LTBP2: variants seen among roughly 807,000 people sequenced by gnomAD.
LTBP2 encodes the protein latent transforming growth factor beta binding protein 2.
Under a neutral mutation model 210.6 loss-of-function variants are expected in LTBP2, and 103 were observed. That is an observed-to-expected ratio of 0.49 (90% CI 0.42 to 0.58). The LOEUF (loss-of-function observed/expected upper bound fraction) is 0.58. LTBP2 is among the 20% of genes least tolerant of loss of function. The probability of loss-of-function intolerance (pLI) is 0.00; values close to 1 mark genes in which losing one functional copy is unlikely to be tolerated. For missense variants in LTBP2, 2,313 were observed against 2,494.5 expected, an observed-to-expected ratio of 0.93 and a Z score of 1.55; for synonymous variants, 1,007 against 1,015.0, an observed-to-expected ratio of 0.99 and a Z score of 0.15.
chr14:74,509,384 C>T (rs764239566), intron 21 of LTBP2, 21 bp from the exon 22 acceptor site: 2 of 1,612,792 alleles, frequency 1.2e-6, no homozygotes, highest in South Asian at 1.1e-5. Context: ...ACAGCGCTCG[C>T]CCGGGGACCT....
rs1253975601 is a variant in LTBP2, at chr14:74,511,368, C to T, written c.2909-4G>A. The T allele has an allele frequency of 6.2e-7, 1 of 1,613,976 alleles. No individual in the cohort carries two copies. Among genetic ancestry groups the T allele is most frequent in the Non-Finnish European group, 8.5e-7 (1 of 1,179,910 alleles). On this transcript the variant is annotated splice_polypyrimidine_tract_variant and splice_region_variant and intron_variant, in intron 18 of 35. Transcript: ENST00000261978. ...GGGTGACGGCATTCGTTGATATCTG[C>T]AAAACAGCAGCCCCTCCCTTGGTCA...
In LTBP2 at chr14:74,498,926, T is replaced by G. The variant is rs1314583018; in HGVS notation, c.*1958A>C. 1 of 225,726 alleles carries G rather than the reference T, an allele frequency of 4.4e-6. No individual in the cohort carries two copies. The highest frequency in any genetic ancestry group is 8.8e-6 in the Non-Finnish European group (1 of 113,496). 14.0% of individuals were successfully genotyped at this position (225,726 alleles called of 1,614,324 possible). ...CATAGCAATTAATTGTTTCTAATCTTTAGCTATTACAAATGATGCAGTAAT... is the reference window on the plus strand; with the variant it reads ...CATAGCAATTAATTGTTTCTAATCTGTAGCTATTACAAATGATGCAGTAAT... On this transcript the variant is annotated 3_prime_UTR_variant, in exon 36 of 36. Coordinates refer to ENST00000261978, the MANE Select transcript of LTBP2 (RefSeq NM_000428.3).
intron 3 of LTBP2, among the ~76,000 whole-genome samples, chr14:74,572,333 G>T (rs988754382): frequency 8.6e-5 from 13 of 151,416 alleles, no homozygotes; most frequent in African/African-American, 3.1e-4. Context: ...GAGAGAGAGA[G>T]AGAGAGAGTG....
In LTBP2 at chr14:74,521,986, G is replaced by A. The variant is rs138643849; in HGVS notation, c.2713C>T (p.Arg905Cys). 3.2e-5 allele frequency: 52 copies of A among 1,614,014 alleles called. No homozygotes were observed. The highest frequency in any genetic ancestry group is 2.0e-4 in the African/African-American group (15 of 74,932). ...CAGAAGCAGGAGTAGGACCCCACGC[G>A]GTTGATGCAGCGCCCTTTTCCCTTG... ...PCKGKGRCIN[R>C]VGSYSCFCYP... The change falls in exon 17 of 36, where the codon CGC (arginine) becomes TGC (cysteine). Residue 905 changes from arginine to cysteine, a missense_variant. By Grantham distance (180) the Arg-to-Cys change is radical (BLOSUM62 -3). Transcript: ENST00000261978.
At chr14:74,552,421 G>A (rs1265805709) in intron 5 of LTBP2, 28 bp from the exon 6 acceptor site, 1 of 1,595,046 alleles carries the variant, frequency 6.3e-7, no homozygotes, top group Non-Finnish European at 8.5e-7. Context: ...AAGGTAACCA[G>A]CGGTGGAAGA....
intron 3 of LTBP2, among the ~76,000 whole-genome samples, chr14:74,557,254 C>A (rs1295609034): frequency 2.6e-5 from 4 of 152,074 alleles, no homozygotes; most frequent in African/African-American, 9.7e-5. Flanking sequence ...GAGGGAGACT[C>A]CATCTCAAAA....
At chr14:74,507,857 A>G (rs1351453177) in intron 25 of LTBP2, 116 bp downstream of exon 25, 3 of 1,409,470 alleles carry the variant, frequency 2.1e-6, no homozygotes, top group East Asian at 2.3e-5. Context: ...TACATACACT[A>G]TTTGTTGGAC....
intron 2 of LTBP2, among the ~76,000 whole-genome samples, chr14:74,602,698 G>A (rs937273001): frequency 1.1e-4 from 17 of 152,244 alleles, no homozygotes; most frequent in South Asian, 4.1e-4. Flanking sequence ...ACCATCAGTG[G>A]AAGAGGCTCA....
chr14:74,580,349 T>C (rs1035923218), intron 3 of LTBP2, among the ~76,000 whole-genome samples: 10 of 152,182 alleles, frequency 6.6e-5, no homozygotes, highest in Non-Finnish European at 1.0e-4. Context: ...TAGGTTTAGA[T>C]GACTTCACAC....
At chr14:74,584,750 A>G (rs1387512400) in intron 3 of LTBP2, among the ~76,000 whole-genome samples, 2 of 152,008 alleles carry the variant, frequency 1.3e-5, no homozygotes, top group African/African-American at 2.4e-5. Context: ...CTTGGAAAAC[A>G]TCTGCTTGGG....
chr14:74,551,075 C>T lies in LTBP2; in HGVS notation c.1675G>A (p.Val559Met), dbSNP rs2139745737. 6.2e-7 allele frequency: 1 copy of T among 1,613,760 alleles called. No homozygotes were observed. The highest frequency in any genetic ancestry group is 8.5e-7 in the Non-Finnish European group (1 of 1,180,030). ...GLLGRCYLNT[V>M]NGQCANPLLE... ...AGCTGTGTTCTCACCTGTCCGTTCA[C>T]AGTGTTCAGGTAACACCGGCCCAGC... is the stretch of plus-strand genomic sequence containing the variant. The change falls in exon 7 of 36, where the codon GTG (valine) becomes ATG (methionine). Residue 559 changes from valine (V) to methionine (M), a missense_variant. Val to Met is a conservative substitution (Grantham distance 21). Around this residue, in one of 3 missense-constraint regions of LTBP2, gnomAD observed 1,867 missense variants for 1,976.9 expected, o/e 0.94. Transcript: ENST00000261978.
intron 28 of LTBP2, among the ~76,000 whole-genome samples, chr14:74,505,818 C>T (rs1189151398): frequency 1.3e-5 from 2 of 152,186 alleles, no homozygotes; most frequent in East Asian, 1.9e-4. Flanking sequence ...ATCAGGGTTT[C>T]CTGAGCCTCC....
chr14:74,603,306 T>C (rs1003518908), intron 2 of LTBP2, among the ~76,000 whole-genome samples: 4 of 152,166 alleles, frequency 2.6e-5, no homozygotes, highest in African/African-American at 7.2e-5. Flanking sequence ...TTTGTGTTTT[T>C]AGAAGAGACA....
rs750548760 is a variant in LTBP2 at position 74,559,589 on chromosome 14, A to G, written c.831-3896T>C. On this transcript the variant is annotated intron_variant, in intron 3 of 35. Coordinates refer to ENST00000261978, the MANE Select transcript of LTBP2 (RefSeq NM_000428.3). The stretch of plus-strand genomic sequence containing the variant: ...AACTCTGGATCCCTGGTGGTCTCCA[A>G]TTGGTTACCACTGCCATCACCCCAT... Among the ~76,000 whole-genome samples the G allele has an allele frequency of 4.9e-4, 74 of 152,116 alleles. 1 individual carries two copies. Among genetic ancestry groups the G allele is most frequent in the African/African-American group, 1.6e-3 (67 of 41,398 alleles).
At chr14:74,503,747 C>CT in intron 31 of LTBP2, 141 bp from the exon 32 acceptor site, 1 of 1,440,392 alleles carries the variant, frequency 6.9e-7, no homozygotes, top group Non-Finnish European at 9.4e-7. Context: ...CCTGGAAGGC[C>CT]CTCCTGGGGA....
intron 10 of LTBP2, among the ~76,000 whole-genome samples, chr14:74,530,212 C>T (rs1324638360): frequency 1.3e-5 from 2 of 152,222 alleles, no homozygotes; most frequent in Non-Finnish European, 2.9e-5. Context: ...GCCTTTCTGG[C>T]TGAAGGCTTG....
intron 9 of LTBP2, among the ~76,000 whole-genome samples, chr14:74,534,099 G>A (rs1051391614): frequency 3.3e-5 from 5 of 152,174 alleles, no homozygotes; most frequent in African/African-American, 9.7e-5. Context: ...GTGCCAATAA[G>A]AGCTGGGAAG....
In LTBP2 at chr14:74,611,538, G is replaced by T; in HGVS notation, c.407C>A (p.Thr136Asn). ...PLGQQQPAPRTRAAPALPRLG... is the reference protein window; with the variant it reads ...PLGQQQPAPRNRAAPALPRLG... Reference sequence around the variant, plus strand: ...GCGTGGGAGAGCCGGCGCGGCCCGGGTCCGGGGTGCTGGTTGCTGCTGGCC... The same window carrying T: ...GCGTGGGAGAGCCGGCGCGGCCCGGTTCCGGGGTGCTGGTTGCTGCTGGCC... The change falls in exon 1 of 36, where the codon ACC becomes AAC. Residue 136 changes from threonine (T) to asparagine (N), a missense_variant. Coordinates refer to ENST00000261978, the MANE Select transcript of LTBP2 (RefSeq NM_000428.3). 6.4e-7 allele frequency: 1 copy of T among 1,565,896 alleles called. No individual in the cohort carries two copies. The highest frequency in any genetic ancestry group is 8.6e-7 in the Non-Finnish European group (1 of 1,163,580).
intron 9 of LTBP2, 58 bp downstream of exon 9, chr14:74,535,868 T>C: frequency 6.8e-7 from 1 of 1,467,786 alleles, no homozygotes; most frequent in Non-Finnish European, 9.5e-7. Flanking sequence ...CCCTCCTGTC[T>C]GGTGCTGGGA....
Sources: allele counts gnomAD v4.1 joint callset (sites outside exome capture counted in the v4.1 genomes callset), GRCh38; gene constraint gnomAD v4.1.1; regional missense constraint gnomAD v4.1.1; transcripts MANE v1.5; gene names NCBI Gene and HGNC (gene_info 2026-07-23, HGNC 2026-07-21).